The following CHRAC1 variants were observed in gnomAD, a reference collection of about 807,000 sequenced individuals.
CHRAC1 encodes the protein chromatin accessibility complex subunit 1, also known as chromatin accessibility complex protein 1.
Under a neutral mutation model 9.1 loss-of-function variants are expected in CHRAC1, and 6 were observed. The ratio of observed to expected loss-of-function variants is 0.66; its 90% CI spans 0.36 to 1.29. CHRAC1 has a LOEUF of 1.29. Ranked by LOEUF, CHRAC1 falls within the 50% of genes most tolerant of loss-of-function variation. The pLI is 0.03. For synonymous variants in CHRAC1, 73 were observed against 64.5 expected, an observed-to-expected ratio of 1.13 and a Z score of -0.63; for missense variants, 168 against 163.5, an observed-to-expected ratio of 1.03 and a Z score of -0.15.
At position 140,511,717 on chromosome 8, in the gene CHRAC1, G is replaced by GC. The variant is rs2072277278; in HGVS notation, c.147+74dup. On this transcript the variant is annotated intron_variant, in intron 1 of 2. Transcript: ENST00000220913. The stretch of plus-strand genomic sequence containing the variant: ...CCCGCCCCGCCGGGCTCTGGGCACT[G>GC]CCCAGTCCCCTTAGGCCCGCGCGCC... The GC allele has an allele frequency of 5.6e-6, 7 of 1,249,274 alleles. No individual in the cohort carries two copies. In the South Asian group the frequency reaches 1.9e-4, roughly 34 times the overall value. 77.4% of individuals were successfully genotyped at this position (1,249,274 alleles called of 1,614,324 possible). A position where few individuals can be genotyped will look rare whatever the true frequency, so the allele number is the denominator to read the frequency against.
At chr8:140,514,817 C>T (rs7818998) in intron 2 of CHRAC1, 10 of 362,610 alleles carry the variant, frequency 2.8e-5, no homozygotes, top group Non-Finnish European at 4.5e-5. Flanking sequence ...TCTACATGGC[C>T]GTAGTTAGAG....
chr8:140,511,456 G>A lies in CHRAC1; in HGVS notation c.-44G>A, dbSNP rs759394242. 2 of 1,290,692 alleles carry A rather than the reference G, an allele frequency of 1.5e-6. No individual in the cohort carries two copies. The highest frequency in any genetic ancestry group is 4.1e-5 in the Admixed American group (1 of 24,402). 80.0% of individuals were successfully genotyped at this position (1,290,692 alleles called of 1,614,324 possible). A position where few individuals can be genotyped will look rare whatever the true frequency, so the allele number is the denominator to read the frequency against. The stretch of plus-strand genomic sequence containing the variant: ...TGGCCGGGCAGGGCAGCCACTTCGC[G>A]GTCGGGCCCGCCGGCTGCGGGCACC... On this transcript the variant is annotated 5_prime_UTR_variant, in exon 1 of 3. Transcript: ENST00000220913.
Position 140,511,323 on chromosome 8 carries a change from T to A in CHRAC1, c.-177T>A, listed in dbSNP as rs1169427835. ...ATGCGCAGATCGGGGGCGCGAGGCC[T>A]CACGGAGCTCGTAGTTTCCCGGACG... On this transcript the variant is annotated 5_prime_UTR_variant, in exon 1 of 3. Transcript: ENST00000220913. 2.3e-6 allele frequency: 1 copy of A among 436,702 alleles called. No individual in the cohort carries two copies. The highest frequency in any genetic ancestry group is 2.1e-5 in the African/African-American group (1 of 48,626). The allele number at this position is 436,702 out of a possible 1,614,324, so 27.1% of individuals were successfully genotyped here.
At position 140,515,178 on chromosome 8, in the gene CHRAC1, G is replaced by A. The variant is rs746907226; in HGVS notation, c.327G>A (p.Glu109=). The part of the protein sequence containing the change: ...LASKYLKMLK[E]EKREEDEEND... Reference sequence around the variant, plus strand: ...GTAAATACCTGAAAATGCTTAAAGAGGAAAAGAGGGAAGAAGATGAGGAGA... The same window carrying A: ...GTAAATACCTGAAAATGCTTAAAGAAGAAAAGAGGGAAGAAGATGAGGAGA... The change falls in exon 3 of 3, where the codon GAG becomes GAA. Residue 109 remains glutamate, a synonymous_variant. Transcript: ENST00000220913. The A allele has an allele frequency of 1.2e-6, 2 of 1,613,150 alleles. No homozygotes were observed. The highest frequency in any genetic ancestry group is 1.7e-6 in the Non-Finnish European group (2 of 1,179,120).
At chr8:140,513,524 C>T (rs895028692) in intron 1 of CHRAC1, among the ~76,000 whole-genome samples, 5 of 152,286 alleles carry the variant, frequency 3.3e-5, no homozygotes, top group South Asian at 2.1e-4. Context: ...CAAGCTCCGC[C>T]TCCCGGGCTT....
rs953474580 is a variant in CHRAC1 at position 140,516,077 on chromosome 8, G to A, written c.*830G>A. 15 of 151,340 alleles carry A rather than the reference G, an allele frequency of 9.9e-5. No individual in the cohort carries two copies. Among genetic ancestry groups the A allele is most frequent in the African/African-American group, 3.4e-4 (14 of 41,196 alleles). The allele number at this position is 151,340 out of a possible 1,614,324, so 9.4% of individuals were successfully genotyped here. A position where few individuals can be genotyped will look rare whatever the true frequency, so the allele number is the denominator to read the frequency against. Reference sequence around the variant, plus strand: ...GCACTTCTTTTTACTGTCTATAAGAGAAAACCTATCATAAGCCCAATTTTT... The same window carrying A: ...GCACTTCTTTTTACTGTCTATAAGAAAAAACCTATCATAAGCCCAATTTTT... On this transcript the variant is annotated 3_prime_UTR_variant, in exon 3 of 3. Coordinates refer to ENST00000220913, the MANE Select transcript of CHRAC1 (RefSeq NM_017444.6).
intron 1 of CHRAC1, 74 bp from the exon 2 acceptor site, chr8:140,514,295 G>T: frequency 6.8e-7 from 1 of 1,470,194 alleles, no homozygotes. Context: ...AATCAACAAT[G>T]TAATTTTAAA....
At chr8:140,514,623 A>G (rs956555734) in intron 2 of CHRAC1, 128 bp downstream of exon 2, 24 of 654,218 alleles carry the variant, frequency 3.7e-5, no homozygotes, top group Non-Finnish European at 5.6e-5. Context: ...GCCGCAAAGT[A>G]CTATGAGTTG....
intron 1 of CHRAC1, chr8:140,512,065 C>A: frequency 3.2e-6 from 4 of 1,262,906 alleles, no homozygotes; most frequent in Non-Finnish European, 4.1e-6. Flanking sequence ...TCGTCCCTCC[C>A]ACCTGTGCGC....
chr8:140,514,191 C>T (rs1012880485), intron 1 of CHRAC1, 178 bp from the exon 2 acceptor site: 5 of 581,152 alleles, frequency 8.6e-6, no homozygotes, highest in Middle Eastern at 4.6e-4. Flanking sequence ...CCAGCGTGAG[C>T]CACCACGCCT....
At chr8:140,513,153 A>G (rs185888896) in intron 1 of CHRAC1, among the ~76,000 whole-genome samples, 4 of 152,334 alleles carry the variant, frequency 2.6e-5, no homozygotes, top group African/African-American at 9.6e-5. Flanking sequence ...GATGCATTAA[A>G]GTCAAAACCT....
intron 1 of CHRAC1, among the ~76,000 whole-genome samples, chr8:140,512,731 T>C (rs2072292429): frequency 1.3e-5 from 2 of 152,234 alleles, no homozygotes; most frequent in Admixed American, 6.5e-5. Flanking sequence ...AGGGAAATAA[T>C]TGCATATTCA....
rs2231527 is a variant in CHRAC1, at chr8:140,515,366, T to C, written c.*119T>C. ...TTCACTTCTTCACAGAGTTCCAGTG[T>C]GTGGTATTCTTTCGAGGTATTCTTT... On this transcript the variant is annotated 3_prime_UTR_variant, in exon 3 of 3. Transcript: ENST00000220913. 858,179 of 1,005,028 alleles carry C rather than the reference T, an allele frequency of 0.85. 367,623 individuals carry two copies. The highest frequency in any genetic ancestry group is 0.88 in the African/African-American group (54,613 of 61,908). 62.3% of individuals were successfully genotyped at this position (1,005,028 alleles called of 1,614,324 possible).
At chr8:140,511,940 C>T in intron 1 of CHRAC1, 21 of 1,257,390 alleles carry the variant, frequency 1.7e-5, no homozygotes, top group Non-Finnish European at 2.2e-5. Flanking sequence ...CTTCGCTCCG[C>T]CCGCCCCTTC....
In CHRAC1 at chr8:140,517,116, G is replaced by A. The variant is rs1362870803; in HGVS notation, c.*1869G>A. The A allele has an allele frequency of 6.6e-6, 1 of 152,144 alleles. No homozygotes were observed. The highest frequency in any genetic ancestry group is 2.4e-5 in the African/African-American group (1 of 41,426). The allele number at this position is 152,144 out of a possible 1,614,324, so 9.4% of individuals were successfully genotyped here. ...CATTTAATAATGTAAATACTTGCTA[G>A]CTTATGTGCCATTAAAAAATGACTT... On this transcript the variant is annotated 3_prime_UTR_variant, in exon 3 of 3. Transcript: ENST00000220913.
intron 1 of CHRAC1, among the ~76,000 whole-genome samples, chr8:140,513,338 T>C (rs2072299927): frequency 6.6e-6 from 1 of 152,278 alleles, no homozygotes; most frequent in Admixed American, 6.5e-5. Flanking sequence ...ACTATAGTTG[T>C]AGGTGAACCA....
intron 1 of CHRAC1, chr8:140,511,955 C>G (rs750046415): frequency 2.3e-6 from 3 of 1,293,504 alleles, no homozygotes; most frequent in Admixed American, 2.3e-5. Flanking sequence ...CCCTTCCTTC[C>G]GTGCGCACCT....
At chr8:140,514,615 C>G in intron 2 of CHRAC1, 120 bp downstream of exon 2, 2 of 718,346 alleles carry the variant, frequency 2.8e-6, no homozygotes, top group East Asian at 3.1e-5. Flanking sequence ...TTTTCCAAGC[C>G]GCAAAGTACT....
chr8:140,512,946 A>C (rs1198186706), intron 1 of CHRAC1, among the ~76,000 whole-genome samples: 1 of 152,060 alleles, frequency 6.6e-6, no homozygotes, highest in Non-Finnish European at 1.5e-5. Context: ...CCTCCTGAGT[A>C]GCTGGGATTA....
Sources: allele counts gnomAD v4.1 joint callset (sites outside exome capture counted in the v4.1 genomes callset), GRCh38; gene constraint gnomAD v4.1.1; transcripts MANE v1.5; gene names NCBI Gene and HGNC (gene_info 2026-07-23, HGNC 2026-07-21).